SNX29: variants seen among roughly 807,000 people sequenced by gnomAD.
SNX29 encodes sorting nexin-29.
SNX29 carries 78 observed loss-of-function variants against 102.1 expected under a neutral mutation model. The observed-to-expected ratio is 0.76, with a 90% CI of 0.64 to 0.92. The LOEUF (loss-of-function observed/expected upper bound fraction) is 0.92. Ranked by LOEUF, SNX29 falls within the 40% of genes least tolerant of loss-of-function variation. The pLI is 0.00. For missense variants in SNX29, 1,280 were observed against 1,061.7 expected, an observed-to-expected ratio of 1.21 and a Z score of -2.86; for synonymous variants, 580 against 414.5, an observed-to-expected ratio of 1.40 and a Z score of -4.85.
intron 10 of SNX29, among the ~76,000 whole-genome samples, chr16:12,075,734 C>A (rs943630084): frequency 6.6e-5 from 10 of 152,218 alleles, no homozygotes; most frequent in Non-Finnish European, 1.3e-4. Flanking sequence ...GAGGTTACTG[C>A]TGTCTTTTTG....
intron 16 of SNX29, among the ~76,000 whole-genome samples, chr16:12,392,188 G>A (rs1269883835): frequency 6.6e-6 from 1 of 152,216 alleles, no homozygotes; most frequent in Non-Finnish European, 1.5e-5. Context: ...CCTCTTTAGA[G>A]GAGATGCCTG....
At chr16:12,002,218 C>T (rs918300063) in intron 2 of SNX29, among the ~76,000 whole-genome samples, 4 of 152,024 alleles carry the variant, frequency 2.6e-5, no homozygotes, top group East Asian at 3.9e-4. Flanking sequence ...GAGGCCAAGG[C>T]GGTCGGATCA....
intron 11 of SNX29, chr16:12,088,285 G>C (rs76370896): frequency 8.3e-6 from 3 of 361,714 alleles, no homozygotes; most frequent in Admixed American, 3.6e-5. Context: ...GAGCAGGGGC[G>C]GGTGTTGGGT....
intron 7 of SNX29, among the ~76,000 whole-genome samples, chr16:12,049,523 G>A (rs1596694920): frequency 6.6e-6 from 1 of 152,082 alleles, no homozygotes; most frequent in South Asian, 2.1e-4. Context: ...AGCAGAGACA[G>A]GGTTTCCCCA....
At chr16:12,304,157 C>G (rs796071070) in intron 15 of SNX29, among the ~76,000 whole-genome samples, 2 of 151,556 alleles carry the variant, frequency 1.3e-5, no homozygotes, top group African/African-American at 4.9e-5. Flanking sequence ...CTTTTGGAGG[C>G]TGTGAATCCT....
chr16:12,406,506 G>C (rs533351424), intron 18 of SNX29, among the ~76,000 whole-genome samples: 1 of 152,232 alleles, frequency 6.6e-6, no homozygotes, highest in Non-Finnish European at 1.5e-5. Context: ...CGACTGGAGA[G>C]CCAAGACATG....
intron 18 of SNX29, among the ~76,000 whole-genome samples, chr16:12,420,378 G>A (rs995415904): frequency 9.9e-5 from 15 of 152,004 alleles, no homozygotes; most frequent in African/African-American, 3.2e-4. Flanking sequence ...TGAAGATAAT[G>A]CCTGTCTCAG....
intron 13 of SNX29, among the ~76,000 whole-genome samples, chr16:12,154,140 C>A (rs2055426559): frequency 2.0e-5 from 3 of 152,174 alleles, no homozygotes; most frequent in Admixed American, 6.5e-5. Flanking sequence ...CCTTCTCCCT[C>A]CCCACCGACC....
intron 20 of SNX29, among the ~76,000 whole-genome samples, chr16:12,532,001 C>T (rs181439730): frequency 1.3e-3 from 195 of 152,200 alleles, no homozygotes; most frequent in South Asian, 0.01. Context: ...GAATCCACAG[C>T]GACAGAGGAG....
chr16:12,563,516 A>T (rs144244273), intron 20 of SNX29, among the ~76,000 whole-genome samples: 10 of 152,168 alleles, frequency 6.6e-5, no homozygotes, highest in Non-Finnish European at 1.3e-4. Flanking sequence ...TCCTCCCCGC[A>T]TGTGAAAAAT....
intron 17 of SNX29, among the ~76,000 whole-genome samples, chr16:12,401,761 C>G (rs2083954390): frequency 6.6e-6 from 1 of 152,170 alleles, no homozygotes; most frequent in Non-Finnish European, 1.5e-5. Context: ...TGCTCTATCT[C>G]CAGTACCCAG....
At chr16:12,208,504 AC>A (rs1430418825) in intron 14 of SNX29, among the ~76,000 whole-genome samples, 1 of 152,170 alleles carries the variant, frequency 6.6e-6, no homozygotes, top group Non-Finnish European at 1.5e-5. Flanking sequence ...ATACTGAGTC[AC>A]TTGGCTGGGT....
At chr16:12,221,378 G>A (rs1232358338) in intron 14 of SNX29, among the ~76,000 whole-genome samples, 1 of 152,204 alleles carries the variant, frequency 6.6e-6, no homozygotes, top group Non-Finnish European at 1.5e-5. Flanking sequence ...ACTTCGGGAG[G>A]CCGAGGTGGG....
intron 16 of SNX29, among the ~76,000 whole-genome samples, chr16:12,388,173 C>G (rs571650860): frequency 9.5e-4 from 145 of 152,246 alleles, no homozygotes; most frequent in African/African-American, 3.3e-3. Context: ...TTTTCCGCAC[C>G]CATGTTTCTT....
intron 19 of SNX29, among the ~76,000 whole-genome samples, chr16:12,485,376 G>T (rs770714556): frequency 6.6e-6 from 1 of 152,194 alleles, no homozygotes; most frequent in Non-Finnish European, 1.5e-5. Flanking sequence ...TTCCTTCTTA[G>T]GATAATAGAT....
At chr16:11,983,538 C>A (rs2055476359) in intron 1 of SNX29, 5 of 382,350 alleles carry the variant, frequency 1.3e-5, no homozygotes, top group South Asian at 2.2e-4. Flanking sequence ...AAAAGTGATG[C>A]TATCAACATT....
At chr16:12,456,490 G>A (rs1169597156) in intron 18 of SNX29, among the ~76,000 whole-genome samples, 1 of 150,590 alleles carries the variant, frequency 6.6e-6, no homozygotes, top group Non-Finnish European at 1.5e-5. Context: ...GGTGTATACT[G>A]GGTGGCATGT....
chr16:12,316,274 C>T (rs918494515), intron 15 of SNX29, among the ~76,000 whole-genome samples: 1 of 152,148 alleles, frequency 6.6e-6, no homozygotes, highest in Non-Finnish European at 1.5e-5. Flanking sequence ...TTCAAAAGGC[C>T]TCTTCTGGGA....
chr16:12,418,696 G>A (rs1403693673), intron 18 of SNX29, among the ~76,000 whole-genome samples: 2 of 152,094 alleles, frequency 1.3e-5, no homozygotes, highest in East Asian at 1.9e-4. Flanking sequence ...TGTATTTTTA[G>A]TAGAGACGGG....
Sources: allele counts gnomAD v4.1 joint callset (sites outside exome capture counted in the v4.1 genomes callset), GRCh38; gene constraint gnomAD v4.1.1; transcripts MANE v1.5; gene names NCBI Gene and HGNC (gene_info 2026-07-23, HGNC 2026-07-21).